The following MARK1 variants were observed in gnomAD, a reference collection of about 807,000 sequenced individuals.
MARK1 encodes serine/threonine-protein kinase MARK1.
Under a neutral mutation model 96.3 loss-of-function variants are expected in MARK1, and 40 were observed. The observed-to-expected ratio is 0.42, with a 90% CI of 0.32 to 0.54. MARK1 has a LOEUF of 0.54. Ranked by LOEUF, MARK1 falls within the 20% of genes least tolerant of loss-of-function variation. The pLI, the probability that MARK1 is intolerant of heterozygous loss-of-function variation, is 0.16. For synonymous variants in MARK1, 317 were observed against 341.2 expected (o/e 0.93, Z 0.78); for missense variants, 719 against 984.6 (o/e 0.73, Z 3.61).
At chr1:220,658,629 G>A (rs1384047860) in intron 17 of MARK1, among the ~76,000 whole-genome samples, 1 of 152,156 alleles carries the variant, frequency 6.6e-6, no homozygotes, top group Non-Finnish European at 1.5e-5. Context: ...CAACCAACAA[G>A]TATTCCACAG....
chr1:220,590,334 CAG>C (rs746313149), intron 3 of MARK1, among the ~76,000 whole-genome samples: 2 of 152,164 alleles, frequency 1.3e-5, no homozygotes, highest in Non-Finnish European at 2.9e-5. Context: ...GGTGACTTAA[CAG>C]AAATTTTCTC....
At position 220,662,425 on chromosome 1, in the gene MARK1, G is replaced by A. The variant is rs1211147515; in HGVS notation, c.*259G>A. ...TTTCTGTTCATTTTCTGTTCATAGAGTTGTATAATAAAACATGATTGCTTA... is the reference window on the plus strand; with the variant it reads ...TTTCTGTTCATTTTCTGTTCATAGAATTGTATAATAAAACATGATTGCTTA... On this transcript the variant is annotated 3_prime_UTR_variant, in exon 18 of 18. Transcript: ENST00000366917. The A allele has an allele frequency of 5.7e-6, 2 of 350,020 alleles. No homozygotes were observed. The highest frequency in any genetic ancestry group is 4.1e-5 in the African/African-American group (2 of 48,842). 21.7% of individuals were successfully genotyped at this position (350,020 alleles called of 1,614,324 possible).
intron 1 of MARK1, among the ~76,000 whole-genome samples, chr1:220,564,634 C>T (rs1572088900): frequency 1.3e-5 from 2 of 152,204 alleles, no homozygotes; most frequent in East Asian, 3.9e-4. Flanking sequence ...TTCTAGCTGA[C>T]AGAAACATAG....
At chr1:220,554,290 G>C (rs1234667456) in intron 1 of MARK1, among the ~76,000 whole-genome samples, 2 of 152,138 alleles carry the variant, frequency 1.3e-5, no homozygotes, top group Admixed American at 6.6e-5. Flanking sequence ...ATTTCCTATA[G>C]AAGGAAAGGT....
Position 220,572,279 on chromosome 1 carries a change from T to A in MARK1, c.52-7075T>A, listed in dbSNP as rs952306982. 2.0e-5 allele frequency among the ~76,000 whole-genome samples: 3 copies of A among 152,222 alleles called. No homozygotes were observed. In the East Asian group the frequency reaches 5.8e-4, roughly 29 times the overall value. ...TTTTGGAGACAGAGTTTCAGTCTTT[T>A]TGCCCAGGCTGGAGTACAATGGTGC... On this transcript the variant is annotated intron_variant, in intron 1 of 17. Coordinates refer to ENST00000366917, the MANE Select transcript of MARK1 (RefSeq NM_018650.5).
At chr1:220,657,973 G>T (rs1319577321) in intron 17 of MARK1, 139 bp downstream of exon 17, 3 of 570,644 alleles carry the variant, frequency 5.3e-6, no homozygotes, top group Non-Finnish European at 8.3e-6. Flanking sequence ...ATATTGGGGT[G>T]GGTTTTCATA....
intron 1 of MARK1, among the ~76,000 whole-genome samples, chr1:220,537,495 C>T (rs1264112975): frequency 2.7e-5 from 4 of 150,778 alleles, no homozygotes; most frequent in African/African-American, 7.3e-5. Context: ...CATTGTTGGA[C>T]ATTTGGGTTG....
chr1:220,626,935 G>C (rs1049854196), intron 9 of MARK1: 7 of 502,706 alleles, frequency 1.4e-5, no homozygotes, highest in African/African-American at 1.4e-4. Context: ...ATGTTGCCTA[G>C]TGCTGGACAT....
intron 13 of MARK1, among the ~76,000 whole-genome samples, chr1:220,639,253 A>G (rs538100884): frequency 3.7e-4 from 56 of 152,070 alleles, no homozygotes; most frequent in South Asian, 2.1e-3. Flanking sequence ...ACAGAGTGAG[A>G]GACCCTGTCA....
rs1320532789 is a variant in MARK1 at position 220,664,087 on chromosome 1, A to G, written c.*1921A>G. 6.6e-6 allele frequency: 1 copy of G among 152,376 alleles called. No homozygotes were observed. Among genetic ancestry groups the G allele is most frequent in the Non-Finnish European group, 1.5e-5 (1 of 68,026 alleles). 9.4% of individuals were successfully genotyped at this position (152,376 alleles called of 1,614,324 possible). On this transcript the variant is annotated 3_prime_UTR_variant, in exon 18 of 18. Coordinates refer to ENST00000366917, the MANE Select transcript of MARK1 (RefSeq NM_018650.5). ...TCTTGTCATTATGACAAGAAAGTTTAATCTTTTTATAGGAATTCCTGTCAC... is the reference window on the plus strand; with the variant it reads ...TCTTGTCATTATGACAAGAAAGTTTGATCTTTTTATAGGAATTCCTGTCAC...
intron 17 of MARK1, among the ~76,000 whole-genome samples, chr1:220,659,826 TG>T (rs1669374714): frequency 6.6e-6 from 1 of 152,224 alleles, no homozygotes; most frequent in Non-Finnish European, 1.5e-5. Context: ...AGTTTTGCTC[TG>T]TTGCCTAGGC....
Position 220,635,361 on chromosome 1 carries a change from T to TGG in MARK1, c.1123-15_1123-14insGG. ...TTTTTTTGCTTTAAAATCCCTGTGGTTTTTCTTCTTATAGTTTGAAGGTGG... is the reference window on the plus strand; with the variant it reads ...TTTTTTTGCTTTAAAATCCCTGTGGTGGTTTTCTTCTTATAGTTTGAAGGTGG... On this transcript the variant is annotated splice_polypyrimidine_tract_variant and intron_variant, in intron 11 of 17. Coordinates refer to ENST00000366917, the MANE Select transcript of MARK1 (RefSeq NM_018650.5). 1 of 1,549,182 alleles carries TGG rather than the reference T, an allele frequency of 6.5e-7. No homozygotes were observed. The highest frequency in any genetic ancestry group is 8.7e-7 in the Non-Finnish European group (1 of 1,154,318).
chr1:220,645,831 A>G (rs1165172922), intron 13 of MARK1, among the ~76,000 whole-genome samples: 1 of 152,238 alleles, frequency 6.6e-6, no homozygotes, highest in Non-Finnish European at 1.5e-5. Context: ...AGACACAGAA[A>G]AAGCCTTCGA....
Position 220,528,666 on chromosome 1 carries a change from T to TCC in MARK1, c.-153_-152dup, listed in dbSNP as rs1660083197. On this transcript the variant is annotated 5_prime_UTR_variant, in exon 1 of 18. Transcript: ENST00000366917. ...CTTCCTCCGCGTCCTCTTCCCTCTTTCCCCCGCCGGGGCCGCTTGTTGCAC... is the reference window on the plus strand; with the variant it reads ...CTTCCTCCGCGTCCTCTTCCCTCTTTCCCCCCCGCCGGGGCCGCTTGTTGCAC... 1.8e-6 allele frequency: 1 copy of TCC among 566,062 alleles called. No individual in the cohort carries two copies. The highest frequency in any genetic ancestry group is 3.0e-6 in the Non-Finnish European group (1 of 334,264). The allele number at this position is 566,062 out of a possible 1,614,324, so 35.1% of individuals were successfully genotyped here.
At chr1:220,637,092 G>A (rs1668006723) in intron 13 of MARK1, among the ~76,000 whole-genome samples, 1 of 152,120 alleles carries the variant, frequency 6.6e-6, no homozygotes. Context: ...GGCATAAAAT[G>A]TCTCAACTGT....
chr1:220,535,121 T>C (rs1660597129), intron 1 of MARK1, among the ~76,000 whole-genome samples: 1 of 152,152 alleles, frequency 6.6e-6, no homozygotes, highest in African/African-American at 2.4e-5. Flanking sequence ...TTTAATTTTT[T>C]GAGGAGACTT....
At chr1:220,553,676 T>C (rs1241251560) in intron 1 of MARK1, among the ~76,000 whole-genome samples, 1 of 152,198 alleles carries the variant, frequency 6.6e-6, no homozygotes, top group Non-Finnish European at 1.5e-5. Context: ...GGTAACTTGG[T>C]GGCCTATGGT....
In MARK1 at chr1:220,645,632, GA is replaced by G. The variant is rs571620927; in HGVS notation, c.1471-4986del. On this transcript the variant is annotated intron_variant, in intron 13 of 17. Transcript: ENST00000366917. ...AAAACTTCAGGTCAATGTCCCTGAT[GA>G]ACATCGATGCAAAAATCCTCAATAA... is the stretch of plus-strand genomic sequence containing the variant. Among the ~76,000 whole-genome samples the G allele has an allele frequency of 1.2e-4, 19 of 152,288 alleles. No homozygotes were observed. The East Asian group carries it at 3.7e-3, about 29-fold the overall frequency.
At chr1:220,659,155 C>T (rs537535442) in intron 17 of MARK1, among the ~76,000 whole-genome samples, 9 of 151,794 alleles carry the variant, frequency 5.9e-5, no homozygotes, top group African/African-American at 2.2e-4. Flanking sequence ...TTTCACATTC[C>T]CTTTTGTTTG....
Sources: gnomAD v4.1 joint callset for allele counts (sites outside exome capture counted in the v4.1 genomes callset) on GRCh38, gnomAD v4.1.1 for gene constraint, MANE v1.5 for transcripts, NCBI Gene and HGNC (gene_info 2026-07-23, HGNC 2026-07-21) for gene names.